RIMS1: variants seen among roughly 807,000 people sequenced by gnomAD.
RIMS1 encodes regulating synaptic membrane exocytosis 1.
RIMS1 carries 83 observed loss-of-function variants against 214.1 expected under a neutral mutation model. That is an observed-to-expected ratio of 0.39 (90% confidence interval 0.32 to 0.47). The LOEUF (loss-of-function observed/expected upper bound fraction) is 0.47, where lower values mean the gene tolerates loss of function less well. RIMS1 is among the 20% of genes least tolerant of loss of function. RIMS1 has a pLI of 0.99. For synonymous variants in RIMS1, 793 were observed against 786.8 expected (o/e 1.01, Z -0.13); for missense variants, 2,050 against 2,161.8 (o/e 0.95, Z 1.03).
chr6:72,233,722 C>T, intron 6 of RIMS1, 51 bp from the exon 7 acceptor site: 1 of 1,274,190 alleles, frequency 7.8e-7, no homozygotes, highest in South Asian at 1.3e-5. Context: ...TAAAGTGATA[C>T]ACTCTTCTCT....
chr6:72,265,465 C>T lies in RIMS1; in HGVS notation c.3270C>T (p.Asn1090=), dbSNP rs1412286891. The T allele has an allele frequency of 6.2e-7, 1 of 1,606,450 alleles. No individual in the cohort carries two copies. The highest frequency in any genetic ancestry group is 8.5e-7 in the Non-Finnish European group (1 of 1,174,056). ...TTTCCCTTCATCATGAATGCTTTAACTCAACAGTATTGAGATTTACTGATG... is the reference window on the plus strand; with the variant it reads ...TTTCCCTTCATCATGAATGCTTTAATTCAACAGTATTGAGATTTACTGATG... The part of the protein sequence containing the change: ...QDISLHHECF[N]STVLRFTDEI... The change falls in exon 21 of 34, where the codon AAC becomes AAT. Residue 1090 remains asparagine, a synonymous_variant. Transcript: ENST00000521978.
intron 2 of RIMS1, among the ~76,000 whole-genome samples, chr6:72,020,603 C>T (rs1220570093): frequency 1.3e-5 from 2 of 152,172 alleles, no homozygotes; most frequent in Non-Finnish European, 2.9e-5. Flanking sequence ...TCTCCATTTG[C>T]AGTGCACTTG....
chr6:72,006,798 G>A (rs767693965), intron 2 of RIMS1, among the ~76,000 whole-genome samples: 35 of 152,340 alleles, frequency 2.3e-4, no homozygotes, highest in Middle Eastern at 3.4e-3. Flanking sequence ...CCATTGCTGA[G>A]GTTTGAGTAG....
At chr6:72,051,119 C>T (rs559309843) in intron 2 of RIMS1, among the ~76,000 whole-genome samples, 21 of 152,198 alleles carry the variant, frequency 1.4e-4, no homozygotes, top group African/African-American at 5.1e-4. Flanking sequence ...TCCAAAAGAT[C>T]GTTTCTTTTT....
chr6:72,067,892 T>C (rs1386919089), intron 2 of RIMS1, among the ~76,000 whole-genome samples: 1 of 152,222 alleles, frequency 6.6e-6, no homozygotes, highest in East Asian at 1.9e-4. Flanking sequence ...ATATTCCTCA[T>C]AAATTATGTG....
At chr6:72,109,177 T>C (rs2035465478) in intron 4 of RIMS1, among the ~76,000 whole-genome samples, 1 of 152,212 alleles carries the variant, frequency 6.6e-6, no homozygotes, top group South Asian at 2.1e-4. Context: ...GCATGTGTCT[T>C]CATAGCAGAA....
chr6:72,247,012 T>C (rs1458804260), intron 11 of RIMS1, among the ~76,000 whole-genome samples: 1 of 152,220 alleles, frequency 6.6e-6, no homozygotes, highest in African/African-American at 2.4e-5. Context: ...TTGCACATAC[T>C]CAGGCAATGC....
chr6:71,984,354 G>GA (rs571595357), intron 2 of RIMS1, among the ~76,000 whole-genome samples: 148 of 142,152 alleles, frequency 1.0e-3, no homozygotes, highest in Non-Finnish European at 9.4e-4. Flanking sequence ...TGAAGGAAAA[G>GA]AAAAAAAAAA....
intron 2 of RIMS1, among the ~76,000 whole-genome samples, chr6:72,084,681 C>T (rs1381076225): frequency 2.6e-5 from 4 of 152,202 alleles, no homozygotes; most frequent in African/African-American, 4.8e-5. Context: ...AATGCTTACT[C>T]GGGAGTGGCC....
intron 6 of RIMS1, among the ~76,000 whole-genome samples, chr6:72,230,236 C>T (rs921102819): frequency 6.6e-6 from 1 of 151,598 alleles, no homozygotes; most frequent in African/African-American, 2.4e-5. Flanking sequence ...TGCTGTGAGC[C>T]AATCTTAGAA....
intron 1 of RIMS1, among the ~76,000 whole-genome samples, chr6:71,951,278 T>A (rs1009870297): frequency 3.3e-5 from 5 of 152,148 alleles, no homozygotes; most frequent in African/African-American, 1.2e-4. Context: ...TTCAACTTGG[T>A]TAGCTCTTTA....
intron 29 of RIMS1, among the ~76,000 whole-genome samples, chr6:72,342,631 GT>G (rs1468811729): frequency 8.9e-5 from 7 of 78,320 alleles, no homozygotes; most frequent in African/African-American, 2.2e-4. Flanking sequence ...AGATGGGTGT[GT>G]GTGTGTGTGT....
intron 2 of RIMS1, among the ~76,000 whole-genome samples, chr6:72,066,832 G>A (rs1829417997): frequency 6.6e-6 from 1 of 151,878 alleles, no homozygotes; most frequent in Admixed American, 6.6e-5. Flanking sequence ...TCCTCCCCTG[G>A]CTTTCTAATT....
rs1300803642 is a variant in RIMS1 at position 72,360,313 on chromosome 6, C to A, written c.4366+26478C>A. Among the ~76,000 whole-genome samples the A allele has an allele frequency of 2.6e-5, 4 of 152,206 alleles. No homozygotes were observed. In the East Asian group the frequency reaches 7.7e-4, roughly 29 times the overall value. On this transcript the variant is annotated intron_variant, in intron 29 of 33. Coordinates refer to ENST00000521978, the MANE Select transcript of RIMS1 (RefSeq NM_014989.7). ...AATGCTAATTACAAGTTTCTATTTT[C>A]ATAAAATTAATCTATTTATCACATA... is the stretch of plus-strand genomic sequence containing the variant.
chr6:71,937,454 C>T lies in RIMS1; in HGVS notation c.165-31529C>T, dbSNP rs148040175. On this transcript the variant is annotated intron_variant, in intron 1 of 33. Transcript: ENST00000521978. ...TTTTTATAGAGACAGGGTTTTGCAA[C>T]GTTTCCCAGGCTGGTTTCAAACTCC... Among the ~76,000 whole-genome samples, 807 of 152,120 alleles carry T rather than the reference C, an allele frequency of 5.3e-3. 4 individuals are homozygous for T. Among genetic ancestry groups the T allele is most frequent in the African/African-American group, 0.018 (761 of 41,492 alleles).
Position 72,267,584 on chromosome 6 carries a change from A to G in RIMS1, c.3398+1535A>G, listed in dbSNP as rs566302640. Among the ~76,000 whole-genome samples the G allele has an allele frequency of 3.5e-4, 54 of 152,304 alleles. No individual in the cohort carries two copies. The East Asian group carries it at 9.6e-3, about 27-fold the overall frequency. ...TTTTTTACAGCATAATAAGCCATAG[A>G]TACTAAAGATAGTTTGTACTTGCAC... On this transcript the variant is annotated intron_variant, in intron 22 of 33. Transcript: ENST00000521978.
chr6:72,117,415 G>A (rs912908944), intron 4 of RIMS1, among the ~76,000 whole-genome samples: 1 of 151,796 alleles, frequency 6.6e-6, no homozygotes, highest in Non-Finnish European at 1.5e-5. Flanking sequence ...TAAGTCTATT[G>A]TTTCTTTGTT....
intron 21 of RIMS1, 34 bp downstream of exon 21, chr6:72,265,537 C>A: frequency 7.8e-7 from 1 of 1,289,504 alleles, no homozygotes; most frequent in Admixed American, 1.8e-5. Context: ...CTTCCGTTTC[C>A]CTTGTTTATT....
At chr6:72,158,311 T>C (rs2044726892) in intron 4 of RIMS1, among the ~76,000 whole-genome samples, 1 of 141,322 alleles carries the variant, frequency 7.1e-6, no homozygotes, top group South Asian at 2.3e-4. Flanking sequence ...TATAATTGCA[T>C]TGTCTTTTCT....
Sources: allele counts gnomAD v4.1 joint callset (sites outside exome capture counted in the v4.1 genomes callset), GRCh38; gene constraint gnomAD v4.1.1; transcripts MANE v1.5; gene names NCBI Gene and HGNC (gene_info 2026-07-23, HGNC 2026-07-21).